Variants in TRPM2 observed in about 807,000 individuals in gnomAD.
TRPM2 encodes the protein transient receptor potential cation channel subfamily M member 2, also known as estrogen-responsive element-associated gene 1 protein.
In TRPM2, 161 loss-of-function variants were observed where a neutral mutation model predicts 174.0. The observed-to-expected ratio is 0.93, with a 90% CI of 0.81 to 1.05. TRPM2 has a LOEUF of 1.05. TRPM2 is among the 50% of genes least tolerant of loss of function. The pLI, the probability that TRPM2 is intolerant of heterozygous loss-of-function variation, is 0.00. For missense variants in TRPM2, 2,057 were observed against 2,038.0 expected (o/e 1.01, Z -0.18); for synonymous variants, 954 against 861.3 (o/e 1.11, Z -1.88).
rs755279258 is a variant in TRPM2 at position 44,418,484 on chromosome 21, G to A, written c.3390G>A (p.Glu1130=). Residue 1130 remains glutamate (E), a synonymous_variant, in exon 22 of 32, where the codon GAG becomes GAA. Coordinates refer to ENST00000397928, the MANE Select transcript of TRPM2 (RefSeq NM_003307.4). ...TATCCTGGGAGATCTACCTGAAGGA[G>A]AACTACCTCCAGAACCGACAGTTCC... ...ALLSWEIYLK[E]NYLQNRQFQQ... is the part of the protein sequence containing the mutation. 3.1e-6 allele frequency: 5 copies of A among 1,614,122 alleles called. No individual in the cohort carries two copies. The highest frequency in any genetic ancestry group is 1.6e-4 in the Middle Eastern group (1 of 6,062).
chr21:44,401,569 TA>T, intron 15 of TRPM2, 111 bp from the exon 16 acceptor site: 1 of 1,147,412 alleles, frequency 8.7e-7, no homozygotes, highest in Non-Finnish European at 1.3e-6. Context: ...CTTTTGCCTC[TA>T]AAAGCACATC....
rs60189992 is a variant in TRPM2, at chr21:44,373,539, T to TCTGCATTATATGCGAC, written c.772-2212_772-2197dup. On this transcript the variant is annotated intron_variant, in intron 5 of 31. Transcript: ENST00000397928. The stretch of plus-strand genomic sequence containing the variant: ...TCGAACAGTGAATCTCTTTTCATTT[T>TCTGCATTATATGCGAC]CTGCATTATATGCGACCTGCATTAT... Among the ~76,000 whole-genome samples the TCTGCATTATATGCGAC allele has an allele frequency of 3.6e-3, 530 of 145,764 alleles. 17 individuals carry two copies. The highest frequency in any genetic ancestry group is 3.5e-3 in the East Asian group (17 of 4,864).
chr21:44,400,227 C>A, intron 14 of TRPM2, 32 bp from the exon 15 acceptor site: 2 of 1,585,668 alleles, frequency 1.3e-6, no homozygotes, highest in Non-Finnish European at 8.6e-7. Flanking sequence ...CAGGGCTGGG[C>A]ACTGCCATCC....
In TRPM2 at chr21:44,366,974, G is replaced by C. The variant is rs1264216990; in HGVS notation, c.604+40G>C. On this transcript the variant is annotated intron_variant, in intron 4 of 31. Transcript: ENST00000397928. The surrounding 1 kb of genome is among the most constrained non-coding windows in gnomAD (Gnocchi z 6.0). ...GGAGGGACACGAGGCCCCGGCGGGT[G>C]GGGTGGGCTGTGGAGGCAGTGCTGG... The C allele has an allele frequency of 6.5e-7, 1 of 1,539,180 alleles. No individual in the cohort carries two copies. Among genetic ancestry groups the C allele is most frequent in the African/African-American group, 1.4e-5 (1 of 73,052 alleles).
rs936346963 is a variant in TRPM2 at position 44,438,228 on chromosome 21, C to T, written c.4168-839C>T. 3.9e-5 allele frequency among the ~76,000 whole-genome samples: 6 copies of T among 152,228 alleles called. No homozygotes were observed. Among genetic ancestry groups the T allele is most frequent in the Non-Finnish European group, 5.9e-5 (4 of 68,040 alleles). ...GGTCCCCTTGCTGCCCTGCTGCGCT[C>T]ACCCAGTAGCTTCTCTGCCTGTGCA... On this transcript the variant is annotated intron_variant, in intron 29 of 31. Transcript: ENST00000397928. This position sits in a 1 kb window ranked among gnomAD's most constrained non-coding sequence, Gnocchi z 5.9.
chr21:44,435,493 T>C (rs543147469), intron 28 of TRPM2, among the ~76,000 whole-genome samples: 170 of 152,084 alleles, frequency 1.1e-3, no homozygotes, highest in African/African-American at 3.9e-3. Context: ...CCCTGCCCAT[T>C]AGAGGGCACC....
intron 27 of TRPM2, among the ~76,000 whole-genome samples, chr21:44,428,476 TCCCTGAGGTGTGGCTCCTC>T (rs1380404449): frequency 3.2e-4 from 42 of 132,952 alleles, no homozygotes; most frequent in Non-Finnish European, 4.8e-4. Flanking sequence ...GTGTGGCTCC[TCCCTGAGGTGTGGCTCCTC>T]CCCTGAGGTG....
At chr21:44,427,720 C>T (rs1274326152) in intron 27 of TRPM2, among the ~76,000 whole-genome samples, 5 of 152,154 alleles carry the variant, frequency 3.3e-5, no homozygotes, top group African/African-American at 1.2e-4. Context: ...GCAGAGGAAC[C>T]AAAGGGTCTG....
At chr21:44,406,897 C>A in intron 19 of TRPM2, 132 bp downstream of exon 19, 1 of 1,216,936 alleles carries the variant, frequency 8.2e-7, no homozygotes, top group Non-Finnish European at 1.1e-6. Flanking sequence ...GGCCGGTGTC[C>A]TCCCTGGGGG....
intron 12 of TRPM2, among the ~76,000 whole-genome samples, chr21:44,397,463 C>T (rs895126769): frequency 2.6e-5 from 4 of 152,222 alleles, no homozygotes; most frequent in African/African-American, 9.6e-5. Flanking sequence ...ACACGGGTTC[C>T]GATGGGGGCT....
Position 44,379,070 on chromosome 21 carries a change from T to C in TRPM2, c.1088T>C (p.Ile363Thr), listed in dbSNP as rs1461049809. The C allele has an allele frequency of 9.3e-6, 15 of 1,612,550 alleles. No individual in the cohort carries two copies. Among genetic ancestry groups the C allele is most frequent in the Non-Finnish European group, 1.1e-5 (13 of 1,179,988 alleles). The change falls in exon 8 of 32, where the codon ATT (isoleucine) becomes ACT (threonine). Residue 363 changes from isoleucine (I) to threonine (T), a missense_variant. By Grantham distance (89) the Ile-to-Thr change is moderately conservative. Transcript: ENST00000397928. ...VEGSGRVADVIAQVANLPVSD... is the reference protein window; with the variant it reads ...VEGSGRVADVTAQVANLPVSD... ...GGCTCGGGCCGCGTGGCCGACGTCA[T>C]TGCCCAGGTGGCCAACCTGCCTGTC... is the stretch of plus-strand genomic sequence containing the variant.
In TRPM2 at chr21:44,366,675, T is replaced by C; in HGVS notation, c.424-79T>C. The C allele has an allele frequency of 6.2e-7, 1 of 1,600,980 alleles. No homozygotes were observed. Among genetic ancestry groups the C allele is most frequent in the Non-Finnish European group, 8.5e-7 (1 of 1,173,494 alleles). ...GGTGTCTGCCGCCCGCTGGGGCCTC[T>C]CTGCATGGCCTGTGTGGGTCGGTGC... On this transcript the variant is annotated intron_variant, in intron 3 of 31. Coordinates refer to ENST00000397928, the MANE Select transcript of TRPM2 (RefSeq NM_003307.4). The surrounding 1 kb of genome is among the most constrained non-coding windows in gnomAD (Gnocchi z 6.0).
chr21:44,434,286 C>A (rs743489), intron 27 of TRPM2, among the ~76,000 whole-genome samples: 1 of 149,544 alleles, frequency 6.7e-6, no homozygotes, highest in East Asian at 2.0e-4. Context: ...GTGGCAGAGA[C>A]GCTGGCAGGG....
At chr21:44,388,566 T>C (rs1381089919) in intron 9 of TRPM2, among the ~76,000 whole-genome samples, 1 of 149,498 alleles carries the variant, frequency 6.7e-6, no homozygotes, top group African/African-American at 2.5e-5. Flanking sequence ...AGCTGGCTCA[T>C]GCCTATAATC....
rs1203147721 is a variant in TRPM2, at chr21:44,406,053, C to T, written c.2790+16C>T. The T allele has an allele frequency of 1.9e-6, 3 of 1,602,272 alleles. No individual in the cohort carries two copies. In the South Asian group the frequency reaches 3.3e-5, roughly 18 times the overall value. Reference sequence around the variant, plus strand: ...GAAGCGGATGGTAAGGGGGCGGGGGCACCGGCTCCATCGCGGCCTGCAGCC... The same window carrying T: ...GAAGCGGATGGTAAGGGGGCGGGGGTACCGGCTCCATCGCGGCCTGCAGCC... On this transcript the variant is annotated intron_variant, in intron 18 of 31. Coordinates refer to ENST00000397928, the MANE Select transcript of TRPM2 (RefSeq NM_003307.4).
intron 20 of TRPM2, among the ~76,000 whole-genome samples, chr21:44,416,956 G>T (rs1272205248): frequency 8.2e-6 from 1 of 122,548 alleles, no homozygotes. Context: ...CAGTGGGCAC[G>T]TGGGCGTGGC....
At position 44,367,605 on chromosome 21, in the gene TRPM2, G is replaced by T. The variant is rs1359351254; in HGVS notation, c.604+671G>T. On this transcript the variant is annotated intron_variant, in intron 4 of 31. Coordinates refer to ENST00000397928, the MANE Select transcript of TRPM2 (RefSeq NM_003307.4). The surrounding 1 kb of genome is among the most constrained non-coding windows in gnomAD (Gnocchi z 4.6). ...GGGGAGGGGGCCCCAAGTCCTCAAGGCTCCCTGGGCCTCCCTGGAGGGGAC... is the reference window on the plus strand; with the variant it reads ...GGGGAGGGGGCCCCAAGTCCTCAAGTCTCCCTGGGCCTCCCTGGAGGGGAC... Among the ~76,000 whole-genome samples, 1 of 152,136 alleles carries T rather than the reference G, an allele frequency of 6.6e-6. No individual in the cohort carries two copies. The highest frequency in any genetic ancestry group is 1.5e-5 in the Non-Finnish European group (1 of 68,012).
At chr21:44,413,644 T>C (rs2050178887) in intron 19 of TRPM2, among the ~76,000 whole-genome samples, 1 of 152,156 alleles carries the variant, frequency 6.6e-6, no homozygotes, top group African/African-American at 2.4e-5. Context: ...TGGCACACCC[T>C]GGGCGGAGGC....
intron 12 of TRPM2, among the ~76,000 whole-genome samples, chr21:44,396,536 A>AG (rs1200048048): frequency 1.3e-3 from 8 of 6,052 alleles, no homozygotes; most frequent in Admixed American, 3.5e-3. Flanking sequence ...AGGGGTGTGG[A>AG]GGCTGTGGAG....
Sources: gnomAD v4.1 joint callset for allele counts (sites outside exome capture counted in the v4.1 genomes callset) on GRCh38, gnomAD v4.1.1 for gene constraint, Gnocchi (gnomAD v3.1) non-coding constraint, MANE v1.5 for transcripts, NCBI Gene and HGNC (gene_info 2026-07-23, HGNC 2026-07-21) for gene names.